GRM7: variants seen among roughly 807,000 people sequenced by gnomAD.
GRM7 encodes the protein metabotropic glutamate receptor 7.
Under a neutral mutation model 84.5 loss-of-function variants are expected in GRM7, and 35 were observed. The observed-to-expected ratio is 0.41, with a 90% confidence interval of 0.32 to 0.55. The LOEUF (loss-of-function observed/expected upper bound fraction) is 0.55. GRM7 is among the 20% of genes least tolerant of loss of function. The pLI is 0.19. For synonymous variants in GRM7, 487 were observed against 455.1 expected (o/e 1.07, Z -0.89); for missense variants, 1,003 against 1,194.6 (o/e 0.84, Z 2.36).
chr3:7,516,376 C>T (rs6775361), intron 7 of GRM7, among the ~76,000 whole-genome samples: 15,252 of 139,828 alleles, frequency 0.11, 1,358 homozygotes, highest in African/African-American at 0.26. Flanking sequence ...ACTTGGGGGG[C>T]TGAGGCAGGA....
rs397988598 is a variant in GRM7 at position 7,240,120 on chromosome 3, G to GTTTTTTTTTTTT, written c.737-58551_737-58540dup. Among the ~76,000 whole-genome samples, 70 of 52,720 alleles carry GTTTTTTTTTTTT rather than the reference G, an allele frequency of 1.3e-3. 10 individuals carry two copies. The highest frequency in any genetic ancestry group is 3.9e-3 in the African/African-American group (56 of 14,270). 34.6% of individuals were successfully genotyped at this position (52,720 alleles called of 152,430 possible). On this transcript the variant is annotated intron_variant, in intron 2 of 9. Transcript: ENST00000357716. ...TACCAGTAATCTTTTAGCATGTGAG[G>GTTTTTTTTTTTT]TTTTTTTTTTTTTTTTTTTTTTTTC... is the stretch of plus-strand genomic sequence containing the variant.
At chr3:7,561,098 G>A (rs1694006385) in intron 7 of GRM7, among the ~76,000 whole-genome samples, 1 of 152,062 alleles carries the variant, frequency 6.6e-6, no homozygotes. Flanking sequence ...CAGTTCAACT[G>A]AAACTACTTA....
intron 1 of GRM7, among the ~76,000 whole-genome samples, chr3:6,904,094 G>T (rs573454716): frequency 5.9e-5 from 9 of 151,788 alleles, no homozygotes; most frequent in Non-Finnish European, 1.2e-4. Flanking sequence ...TCCATTTGTT[G>T]TACATAAATC....
intron 1 of GRM7, among the ~76,000 whole-genome samples, chr3:6,933,295 T>G (rs940985687): frequency 2.0e-5 from 3 of 152,168 alleles, no homozygotes; most frequent in Non-Finnish European, 4.4e-5. Context: ...TCATTCTCCT[T>G]GACTCAATCA....
chr3:7,259,738 G>A (rs577683784), intron 2 of GRM7, among the ~76,000 whole-genome samples: 2 of 152,228 alleles, frequency 1.3e-5, no homozygotes, highest in South Asian at 2.1e-4. Context: ...GAATAGAGCT[G>A]CAGTGAACAT....
chr3:7,123,349 T>C, intron 1 of GRM7, among the ~76,000 whole-genome samples: 1 of 152,212 alleles, frequency 6.6e-6, no homozygotes, highest in Non-Finnish European at 1.5e-5. Context: ...CCAGGCATGG[T>C]GGCTCACGCC....
intron 9 of GRM7, among the ~76,000 whole-genome samples, chr3:7,713,837 A>T (rs1701681667): frequency 8.8e-6 from 1 of 113,314 alleles, no homozygotes; most frequent in Admixed American, 1.2e-4. Flanking sequence ...AGCAATGGGT[A>T]GAGTTTGCCT....
intron 6 of GRM7, among the ~76,000 whole-genome samples, chr3:7,453,976 G>GT (rs1697890418): frequency 6.6e-6 from 1 of 151,872 alleles, no homozygotes; most frequent in African/African-American, 2.4e-5. Context: ...GTAAAAGGAG[G>GT]GCAGGGTAAG....
chr3:7,367,901 C>A (rs1693968348), intron 4 of GRM7, among the ~76,000 whole-genome samples: 2 of 145,152 alleles, frequency 1.4e-5, no homozygotes, highest in African/African-American at 2.5e-5. Context: ...AAGTATTCCC[C>A]AAACCTGACT....
chr3:7,157,194 A>G (rs953502958), intron 2 of GRM7, among the ~76,000 whole-genome samples: 2 of 151,998 alleles, frequency 1.3e-5, no homozygotes, highest in African/African-American at 4.8e-5. Context: ...AAAGCACCCC[A>G]TTGTCTGCAG....
At chr3:7,221,802 G>A (rs915203612) in intron 2 of GRM7, among the ~76,000 whole-genome samples, 1 of 120,280 alleles carries the variant, frequency 8.3e-6, no homozygotes, top group Non-Finnish European at 1.7e-5. Context: ...TTAATTTCTT[G>A]TATTTTTTTT....
chr3:7,310,610 G>A (rs556457569), intron 4 of GRM7, among the ~76,000 whole-genome samples: 6 of 152,262 alleles, frequency 3.9e-5, no homozygotes, highest in Non-Finnish European at 7.4e-5. Flanking sequence ...TAAGCAATGC[G>A]TATGTCTTTT....
At chr3:7,277,408 A>G (rs547716095) in intron 2 of GRM7, among the ~76,000 whole-genome samples, 1 of 152,138 alleles carries the variant, frequency 6.6e-6, no homozygotes, top group African/African-American at 2.4e-5. Flanking sequence ...CAAGATGTCC[A>G]TTTTGAACCA....
intron 2 of GRM7, among the ~76,000 whole-genome samples, chr3:7,259,138 C>G (rs143883535): frequency 6.6e-6 from 1 of 152,148 alleles, no homozygotes. Flanking sequence ...CATTTTTGAT[C>G]GACCATTTGG....
In GRM7 at chr3:7,056,543, A is replaced by T. The variant is rs919584517; in HGVS notation, c.520-89909A>T. Among the ~76,000 whole-genome samples the T allele has an allele frequency of 2.0e-5, 3 of 152,140 alleles. No individual in the cohort carries two copies. The South Asian group carries it at 6.2e-4, about 32-fold the overall frequency. On this transcript the variant is annotated intron_variant, in intron 1 of 9. Coordinates refer to ENST00000357716, the MANE Select transcript of GRM7 (RefSeq NM_000844.4). Reference sequence around the variant, plus strand: ...AAACATTATATATCATCTTTGTTAAATAAAGTTCCACTTTTTGGAATAAGT... The same window carrying T: ...AAACATTATATATCATCTTTGTTAATTAAAGTTCCACTTTTTGGAATAAGT...
chr3:7,239,759 G>A (rs1697479945), intron 2 of GRM7, among the ~76,000 whole-genome samples: 1 of 152,148 alleles, frequency 6.6e-6, no homozygotes. Context: ...GCAGACGTCT[G>A]CAAACAAGAA....
At chr3:6,872,529 G>T (rs113831767) in intron 1 of GRM7, among the ~76,000 whole-genome samples, 47 of 152,164 alleles carry the variant, frequency 3.1e-4, no homozygotes, top group African/African-American at 1.1e-3. Flanking sequence ...TTGTTACATA[G>T]GTATACATGT....
chr3:7,330,840 T>C (rs1366559838), intron 4 of GRM7, among the ~76,000 whole-genome samples: 1 of 152,182 alleles, frequency 6.6e-6, no homozygotes, highest in Non-Finnish European at 1.5e-5. Context: ...TGTTTGTTCC[T>C]ACTTTCACAC....
Position 7,298,736 on chromosome 3 carries a change from G to T in GRM7, c.789G>T (p.Arg263Ser), listed in dbSNP as rs1252328055. ...GAATCCCCCAGGAACGCAAAGACAG[G>T]ACCATTGACTTTGATAGAATTATCA... ...SVRIPQERKD[R>S]TIDFDRIIKQ... The change falls in exon 3 of 10, where the codon AGG (arginine) becomes AGT (serine). Residue 263 changes from arginine to serine, a missense_variant. Arg to Ser is a moderately radical substitution (Grantham distance 110, BLOSUM62 -1). Coordinates refer to ENST00000357716, the MANE Select transcript of GRM7 (RefSeq NM_000844.4). 1 of 1,613,006 alleles carries T rather than the reference G, an allele frequency of 6.2e-7. No homozygotes were observed. Among genetic ancestry groups the T allele is most frequent in the Non-Finnish European group, 8.5e-7 (1 of 1,179,070 alleles).
Sources: gnomAD v4.1 joint callset for allele counts (sites outside exome capture counted in the v4.1 genomes callset) on GRCh38, gnomAD v4.1.1 for gene constraint, MANE v1.5 for transcripts, NCBI Gene and HGNC (gene_info 2026-07-23, HGNC 2026-07-21) for gene names.